RIMBP2: variants seen among roughly 807,000 people sequenced by gnomAD.
RIMBP2 encodes the protein RIMS binding protein 2.
Under a neutral mutation model 118.6 loss-of-function variants are expected in RIMBP2, and 48 were observed. The ratio of observed to expected loss-of-function variants is 0.40; its 90% confidence interval spans 0.32 to 0.51. The LOEUF (loss-of-function observed/expected upper bound fraction) is 0.51, where lower values mean the gene tolerates loss of function less well. Among genes scored for constraint, RIMBP2 ranks in the 20% least tolerant of loss-of-function variants. The probability of loss-of-function intolerance (pLI) is 0.41; values close to 1 mark genes in which losing one functional copy is unlikely to be tolerated. For synonymous variants in RIMBP2, 762 were observed against 742.9 expected (o/e 1.03, Z -0.42); for missense variants, 1,551 against 1,768.3 (o/e 0.88, Z 2.20).
intron 1 of RIMBP2, among the ~76,000 whole-genome samples, chr12:130,665,213 T>C (rs1445432431): frequency 6.6e-6 from 1 of 151,586 alleles, no homozygotes; most frequent in African/African-American, 2.4e-5. Flanking sequence ...CCTGATGCCA[T>C]GCTCCGAGAT....
rs2061285264 is a variant in RIMBP2, at chr12:130,621,119, T to G, written c.-217+7203A>C. ...ATTTTTTTACCAGCACCCTGGGAGC[T>G]GGTCATTCCTACGTGGAAAGTGACC... On this transcript the variant is annotated intron_variant, in intron 2 of 22. Transcript: ENST00000690449. The surrounding 1 kb of genome is among the most constrained non-coding windows in gnomAD (Gnocchi z 6.6). 6.6e-6 allele frequency among the ~76,000 whole-genome samples: 1 copy of G among 152,178 alleles called. No individual in the cohort carries two copies. Among genetic ancestry groups the G allele is most frequent in the Non-Finnish European group, 1.5e-5 (1 of 68,044 alleles).
In RIMBP2 at chr12:130,431,298, G is replaced by C. The variant is rs539848361; in HGVS notation, c.2254-2961C>G. 1.4e-4 allele frequency: 30 copies of C among 212,610 alleles called. No homozygotes were observed. In the South Asian group the frequency reaches 1.8e-3, roughly 13 times the overall value. 13.2% of individuals were successfully genotyped at this position (212,610 alleles called of 1,614,324 possible). A position where few individuals can be genotyped will look rare whatever the true frequency, so the allele number is the denominator to read the frequency against. On this transcript the variant is annotated intron_variant, in intron 14 of 22. Transcript: ENST00000690449. The surrounding 1 kb of genome is among the most constrained non-coding windows in gnomAD (Gnocchi z 4.0). Reference sequence around the variant, plus strand: ...CTTGGAGCAGATGGGATAGCGCCAGGGGGTAAGGGCTCATGTGACGGGGCG... The same window carrying C: ...CTTGGAGCAGATGGGATAGCGCCAGCGGGTAAGGGCTCATGTGACGGGGCG...
chr12:130,437,899 G>A (rs1263967038), intron 12 of RIMBP2, among the ~76,000 whole-genome samples: 1 of 152,194 alleles, frequency 6.6e-6, no homozygotes, highest in Non-Finnish European at 1.5e-5. Context: ...CCCCAGGCAG[G>A]GATAGGGGGC....
In RIMBP2 at chr12:130,451,290, G is replaced by A. The variant is rs1311852219; in HGVS notation, c.409C>T (p.Pro137Ser). 6.2e-7 allele frequency: 1 copy of A among 1,614,172 alleles called. No individual in the cohort carries two copies. ...GSSAIGEYIR[P>S]LPQPGDRPEP... ...GGCCTGTCACCAGGCTGCGGAAGGG[G>A]CCGGATATATTCACCGATCGCAGAG... The change falls in exon 8 of 23, where the codon CCC (proline) becomes TCC (serine). Residue 137 changes from proline to serine, a missense_variant. Transcript: ENST00000690449.
intron 3 of RIMBP2, among the ~76,000 whole-genome samples, chr12:130,509,687 C>T: frequency 6.6e-6 from 1 of 152,052 alleles, no homozygotes. Flanking sequence ...TGGTCTCAGA[C>T]TCCCAACCTC....
chr12:130,592,913 G>A (rs1221638506), intron 2 of RIMBP2, among the ~76,000 whole-genome samples: 1 of 152,146 alleles, frequency 6.6e-6, no homozygotes, highest in African/African-American at 2.4e-5. Flanking sequence ...CGGCTTCCAC[G>A]CTGACCCTTC....
In RIMBP2 at chr12:130,446,668, G is replaced by A. The variant is rs868708496; in HGVS notation, c.582-1399C>T. Among the ~76,000 whole-genome samples the A allele has an allele frequency of 6.6e-6, 1 of 152,220 alleles. No homozygotes were observed. Among genetic ancestry groups the A allele is most frequent in the African/African-American group, 2.4e-5 (1 of 41,456 alleles). On this transcript the variant is annotated intron_variant, in intron 9 of 22. Transcript: ENST00000690449. This position sits in a 1 kb window ranked among gnomAD's most constrained non-coding sequence, Gnocchi z 4.1. Reference sequence around the variant, plus strand: ...AGAGCTCTGGAAGAAGGAATAGCATGCGCCAAGGCCCAGAGGCAGGGAGGA... The same window carrying A: ...AGAGCTCTGGAAGAAGGAATAGCATACGCCAAGGCCCAGAGGCAGGGAGGA...
chr12:130,616,696 G>T (rs1363037367), intron 2 of RIMBP2, among the ~76,000 whole-genome samples: 1 of 152,198 alleles, frequency 6.6e-6, no homozygotes, highest in Non-Finnish European at 1.5e-5. Context: ...GCAGAGCCCA[G>T]GGCTGGCAGG....
chr12:130,482,190 C>T (rs985817630), intron 4 of RIMBP2, among the ~76,000 whole-genome samples: 4 of 152,230 alleles, frequency 2.6e-5, no homozygotes, highest in East Asian at 3.9e-4. Flanking sequence ...GTCCTCAGGA[C>T]GGACAGTCTC....
At chr12:130,561,351 T>C (rs746227914) in intron 2 of RIMBP2, among the ~76,000 whole-genome samples, 19 of 152,192 alleles carry the variant, frequency 1.2e-4, no homozygotes, top group Admixed American at 2.6e-4. Context: ...TTCATTCATT[T>C]TCCTGATGTC....
chr12:130,438,246 G>T, intron 12 of RIMBP2, 119 bp downstream of exon 12: 1 of 1,126,838 alleles, frequency 8.9e-7, no homozygotes. Context: ...GGTTGAGGGT[G>T]CCTCCAGTGA....
At position 130,446,360 on chromosome 12, in the gene RIMBP2, A is replaced by C. The variant is rs1445982374; in HGVS notation, c.582-1091T>G. On this transcript the variant is annotated intron_variant, in intron 9 of 22. Transcript: ENST00000690449. This position sits in a 1 kb window ranked among gnomAD's most constrained non-coding sequence, Gnocchi z 4.1. ...TGGCCATTAAATGTTAGGAAAACAG[A>C]GAAGATAAGGTCCCCAGTCTCAATG... Among the ~76,000 whole-genome samples the C allele has an allele frequency of 1.3e-5, 2 of 152,218 alleles. No individual in the cohort carries two copies. Among genetic ancestry groups the C allele is most frequent in the Middle Eastern group, 3.2e-3 (1 of 316 alleles).
intron 1 of RIMBP2, among the ~76,000 whole-genome samples, chr12:130,691,081 G>T (rs180725458): frequency 6.6e-6 from 1 of 152,198 alleles, no homozygotes; most frequent in Non-Finnish European, 1.5e-5. Context: ...CCTCAAAGGA[G>T]CTGCCAGCCC....
Position 130,450,211 on chromosome 12 carries a change from A to C in RIMBP2, c.570T>G (p.Val190=), listed in dbSNP as rs749361165. 6.2e-7 allele frequency: 1 copy of C among 1,607,202 alleles called. No individual in the cohort carries two copies. Among genetic ancestry groups the C allele is most frequent in the South Asian group, 1.1e-5 (1 of 89,756 alleles). Residue 190 remains valine, a synonymous_variant, in exon 9 of 23, where the codon GTT becomes GTG. Coordinates refer to ENST00000690449, the MANE Select transcript of RIMBP2 (RefSeq NM_001393629.1). The surrounding 1 kb of genome is among the most constrained non-coding windows in gnomAD (Gnocchi z 4.8). ...QRYSGKVHLC[V]ARYSYNPFDG... ...GGGGCCGCACTTACCTATAGCGGGCAACACAGAGGTGGACCTTCCCCGAGT... is the reference window on the plus strand; with the variant it reads ...GGGGCCGCACTTACCTATAGCGGGCCACACAGAGGTGGACCTTCCCCGAGT...
chr12:130,477,862 C>T (rs1296301797), intron 5 of RIMBP2, among the ~76,000 whole-genome samples: 3 of 152,208 alleles, frequency 2.0e-5, no homozygotes, highest in African/African-American at 4.8e-5. Flanking sequence ...CAGCACCGGG[C>T]GGGAGGCTGC....
intron 2 of RIMBP2, among the ~76,000 whole-genome samples, chr12:130,550,084 G>A (rs940916755): frequency 5.9e-5 from 9 of 152,068 alleles, no homozygotes; most frequent in African/African-American, 1.2e-4. Flanking sequence ...CTGAGTACAC[G>A]CTGTTGATGT....
chr12:130,477,276 C>T (rs2081516215), intron 5 of RIMBP2, among the ~76,000 whole-genome samples: 1 of 152,182 alleles, frequency 6.6e-6, no homozygotes. Context: ...AAATCTAACT[C>T]CAGGCTTCTA....
intron 2 of RIMBP2, among the ~76,000 whole-genome samples, chr12:130,586,342 C>A (rs552893983): frequency 9.9e-5 from 15 of 152,150 alleles, no homozygotes; most frequent in Non-Finnish European, 2.1e-4. Context: ...ATCCCAGCTA[C>A]ATGGGAGGCT....
chr12:130,500,740 C>T (rs1014872909), intron 4 of RIMBP2, among the ~76,000 whole-genome samples: 1 of 152,048 alleles, frequency 6.6e-6, no homozygotes, highest in Non-Finnish European at 1.5e-5. Flanking sequence ...ATTCACAGGC[C>T]GCATGTCCCC....
Sources: gnomAD v4.1 joint callset for allele counts (sites outside exome capture counted in the v4.1 genomes callset) on GRCh38, gnomAD v4.1.1 for gene constraint, Gnocchi (gnomAD v3.1) non-coding constraint, MANE v1.5 for transcripts, NCBI Gene and HGNC (gene_info 2026-07-23, HGNC 2026-07-21) for gene names.